The following TOX variants were observed in gnomAD, a reference collection of about 807,000 sequenced individuals.
TOX encodes thymocyte selection associated high mobility group box.
Under a neutral mutation model 53.7 loss-of-function variants are expected in TOX, and 11 were observed. The observed-to-expected ratio is 0.20, with a 90% CI of 0.13 to 0.34. TOX has a LOEUF of 0.34. TOX is among the 10% of genes least tolerant of loss of function. The pLI is 1.00. For synonymous variants in TOX, 225 were observed against 245.3 expected (o/e 0.92, Z 0.77); for missense variants, 570 against 664.6 (o/e 0.86, Z 1.56).
rs115989474 is a variant in TOX, at chr8:58,812,127, C to T, written c.1392+3211G>A. Reference sequence around the variant, plus strand: ...GATGAATCAGGTCAGATTTTATCCACAACTCAGGTCTGCATCTACAGGCTG... The same window carrying T: ...GATGAATCAGGTCAGATTTTATCCATAACTCAGGTCTGCATCTACAGGCTG... On this transcript the variant is annotated intron_variant, in intron 7 of 8. Transcript: ENST00000361421. Among the ~76,000 whole-genome samples the T allele has an allele frequency of 3.6e-3, 546 of 152,270 alleles. 6 individuals are homozygous for T. The highest frequency in any genetic ancestry group is 0.013 in the African/African-American group (527 of 41,540).
chr8:58,925,669 C>T (rs1015794), intron 3 of TOX, among the ~76,000 whole-genome samples: 48,284 of 152,082 alleles, frequency 0.32, 7,817 homozygotes, highest in East Asian at 0.41. Context: ...ATTGGAACAA[C>T]GGACACCATG....
chr8:58,818,484 T>G (rs1810218441), intron 6 of TOX, among the ~76,000 whole-genome samples: 1 of 152,236 alleles, frequency 6.6e-6, no homozygotes, highest in African/African-American at 2.4e-5. Flanking sequence ...GTAGTCTCTT[T>G]TCACAAAGAT....
At chr8:58,840,655 C>G (rs1246384226) in intron 4 of TOX, among the ~76,000 whole-genome samples, 1 of 152,176 alleles carries the variant, frequency 6.6e-6, no homozygotes, top group South Asian at 2.1e-4. Flanking sequence ...ACAAAACAAA[C>G]AAGCAAAATT....
intron 1 of TOX, among the ~76,000 whole-genome samples, chr8:59,116,491 G>A (rs1260184128): frequency 6.6e-6 from 1 of 152,206 alleles, no homozygotes; most frequent in Non-Finnish European, 1.5e-5. Flanking sequence ...AACTACAATT[G>A]TGGAGCTGGA....
At chr8:58,937,146 T>G (rs1338061548) in intron 3 of TOX, among the ~76,000 whole-genome samples, 5 of 151,556 alleles carry the variant, frequency 3.3e-5, no homozygotes, top group Non-Finnish European at 7.4e-5. Context: ...AGCTCCAGAA[T>G]GTAGCTTGAG....
At chr8:58,870,812 G>C (rs532081847) in intron 3 of TOX, among the ~76,000 whole-genome samples, 2 of 152,066 alleles carry the variant, frequency 1.3e-5, no homozygotes. Flanking sequence ...GGTGCTGGAA[G>C]ATTGGAATCC....
chr8:58,920,720 T>TAAAAAAAAAAAAAAAAAAA (rs1245078149), intron 3 of TOX, among the ~76,000 whole-genome samples: 1 of 21,954 alleles, frequency 4.6e-5, no homozygotes, highest in Admixed American at 7.0e-4. Context: ...AAAAAAAACA[T>TAAAAAAAAAAAAAAAAAAA]TAAAAAAAAA....
chr8:59,035,809 AAAG>A (rs1243699785), intron 1 of TOX, among the ~76,000 whole-genome samples: 1 of 152,264 alleles, frequency 6.6e-6, no homozygotes, highest in Non-Finnish European at 1.5e-5. Flanking sequence ...ATGATGGTGC[AAAG>A]AAGGACAATG....
chr8:58,908,762 T>C (rs987761456), intron 3 of TOX, among the ~76,000 whole-genome samples: 1 of 152,230 alleles, frequency 6.6e-6, no homozygotes, highest in African/African-American at 2.4e-5. Flanking sequence ...ATATATTTAC[T>C]GAATAAATTA....
intron 1 of TOX, among the ~76,000 whole-genome samples, chr8:59,074,687 AT>A (rs1804262209): frequency 6.6e-6 from 1 of 152,204 alleles, no homozygotes; most frequent in Admixed American, 6.5e-5. Context: ...GAATCTCAAG[AT>A]AAGTTCAGAA....
At chr8:59,075,012 C>T (rs1255239029) in intron 1 of TOX, among the ~76,000 whole-genome samples, 1 of 152,180 alleles carries the variant, frequency 6.6e-6, no homozygotes, top group Admixed American at 6.5e-5. Context: ...AGTGACACAA[C>T]CATGAGATGG....
chr8:58,876,589 T>C (rs1362163387), intron 3 of TOX, among the ~76,000 whole-genome samples: 1 of 152,154 alleles, frequency 6.6e-6, no homozygotes, highest in Non-Finnish European at 1.5e-5. Context: ...ACTGAGCGAA[T>C]GTGGCTTTGA....
At chr8:58,960,713 C>T (rs981501082) in intron 1 of TOX, among the ~76,000 whole-genome samples, 3 of 152,096 alleles carry the variant, frequency 2.0e-5, no homozygotes, top group Non-Finnish European at 2.9e-5. Flanking sequence ...GAAAGAAATT[C>T]GCAGGGGCAG....
At chr8:59,073,915 G>A (rs1804247353) in intron 1 of TOX, among the ~76,000 whole-genome samples, 2 of 152,082 alleles carry the variant, frequency 1.3e-5, no homozygotes, top group Admixed American at 1.3e-4. Flanking sequence ...GAAAAACAAA[G>A]CATTACTTTT....
chr8:59,024,676 C>T (rs1814202857), intron 1 of TOX, among the ~76,000 whole-genome samples: 1 of 151,864 alleles, frequency 6.6e-6, no homozygotes, highest in South Asian at 2.1e-4. Flanking sequence ...ATGTGAGTTT[C>T]AGATAATCTG....
chr8:58,956,149 G>A (rs896999105), intron 2 of TOX, among the ~76,000 whole-genome samples: 21 of 152,324 alleles, frequency 1.4e-4, no homozygotes, highest in African/African-American at 5.1e-4. Context: ...AAGTTCTGAA[G>A]AAGAGAACTA....
At chr8:59,001,693 AT>A (rs1198044491) in intron 1 of TOX, among the ~76,000 whole-genome samples, 2 of 152,288 alleles carry the variant, frequency 1.3e-5, no homozygotes, top group East Asian at 3.9e-4. Context: ...AAATACTATT[AT>A]TTTGGGTAAC....
At chr8:58,972,802 T>C (rs1230207490) in intron 1 of TOX, among the ~76,000 whole-genome samples, 1 of 152,216 alleles carries the variant, frequency 6.6e-6, no homozygotes, top group Non-Finnish European at 1.5e-5. Context: ...ATATTTGCTA[T>C]AAAAAATTCT....
intron 5 of TOX, among the ~76,000 whole-genome samples, chr8:58,836,163 G>A (rs947333054): frequency 5.9e-5 from 9 of 152,176 alleles, no homozygotes; most frequent in African/African-American, 2.2e-4. Flanking sequence ...CATGGGTGGA[G>A]CAGGGAGGCA....
Sources: gnomAD v4.1 joint callset for allele counts (sites outside exome capture counted in the v4.1 genomes callset) on GRCh38, gnomAD v4.1.1 for gene constraint, MANE v1.5 for transcripts, NCBI Gene and HGNC (gene_info 2026-07-23, HGNC 2026-07-21) for gene names.